ITGB6: variants seen among roughly 807,000 people sequenced by gnomAD.
The protein encoded by ITGB6 is integrin subunit beta 6, also known as integrin beta-6.
ITGB6 carries 80 observed loss-of-function variants against 84.5 expected under a neutral mutation model. The observed-to-expected ratio is 0.95, with a 90% confidence interval of 0.79 to 1.14. ITGB6 has a LOEUF of 1.14. ITGB6 is among the 50% of genes most tolerant of loss of function. The pLI is 0.00. For missense variants in ITGB6, 1,006 were observed against 968.0 expected (o/e 1.04, Z -0.52); for synonymous variants, 383 against 354.9 (o/e 1.08, Z -0.89).
rs758615036 is a variant in ITGB6, at chr2:160,141,973, A to G, written c.1107+9T>C. The G allele has an allele frequency of 6.4e-7, 1 of 1,569,190 alleles. No individual in the cohort carries two copies. The highest frequency in any genetic ancestry group is 1.7e-5 in the Admixed American group (1 of 58,142). On this transcript the variant is annotated intron_variant, in intron 8 of 14. Coordinates refer to ENST00000283249, the MANE Select transcript of ITGB6 (RefSeq NM_000888.5). Reference sequence around the variant, plus strand: ...ATGCAAAAAAGAAGCCAGCTGTAAAATATCCTACTTCATAAGCTGAGATGA... The same window carrying G: ...ATGCAAAAAAGAAGCCAGCTGTAAAGTATCCTACTTCATAAGCTGAGATGA...
intron 7 of ITGB6, among the ~76,000 whole-genome samples, chr2:160,159,904 AT>A (rs796413457): frequency 5.3e-5 from 8 of 152,160 alleles, no homozygotes; most frequent in African/African-American, 1.9e-4. Flanking sequence ...TTTCTCGTCT[AT>A]TTCCCCCTAC....
At chr2:160,171,973 T>G (rs1685222426) in intron 6 of ITGB6, among the ~76,000 whole-genome samples, 2 of 152,190 alleles carry the variant, frequency 1.3e-5, no homozygotes, top group African/African-American at 4.8e-5. Context: ...AGCCTCATGG[T>G]CTGTTCAGGA....
At chr2:160,148,252 G>C (rs1209489622) in intron 7 of ITGB6, among the ~76,000 whole-genome samples, 10 of 152,148 alleles carry the variant, frequency 6.6e-5, no homozygotes, top group Admixed American at 6.5e-4. Context: ...AAACAACAAT[G>C]AAATACCTTT....
At chr2:160,183,265 C>T (rs1054114031) in intron 4 of ITGB6, among the ~76,000 whole-genome samples, 6 of 151,988 alleles carry the variant, frequency 3.9e-5, no homozygotes, top group African/African-American at 1.2e-4. Flanking sequence ...CAAAGACACG[C>T]ATGGGCTCAA....
rs1361846173 is a variant in ITGB6 at position 160,099,997 on chromosome 2, G to T, written c.*1739C>A. On this transcript the variant is annotated 3_prime_UTR_variant, in exon 15 of 15. Transcript: ENST00000283249. ...GCATTGCAACCTGTATATTGCTGTAGATTTCCCCCAGGTTCTGCGCATCAG... is the reference window on the plus strand; with the variant it reads ...GCATTGCAACCTGTATATTGCTGTATATTTCCCCCAGGTTCTGCGCATCAG... 8 of 152,174 alleles carry T rather than the reference G, an allele frequency of 5.3e-5. No homozygotes were observed. The highest frequency in any genetic ancestry group is 1.2e-4 in the Non-Finnish European group (8 of 68,028). 9.4% of individuals were successfully genotyped at this position (152,174 alleles called of 1,614,324 possible).
chr2:160,198,397 C>A (rs1242317263), intron 2 of ITGB6, among the ~76,000 whole-genome samples: 1 of 152,214 alleles, frequency 6.6e-6, no homozygotes, highest in Non-Finnish European at 1.5e-5. Flanking sequence ...GCATGCTACT[C>A]AGCTCTTGCT....
intron 10 of ITGB6, among the ~76,000 whole-genome samples, chr2:160,136,869 G>A (rs1574072862): frequency 6.6e-6 from 1 of 151,610 alleles, no homozygotes; most frequent in East Asian, 1.9e-4. Flanking sequence ...CATGGACACA[G>A]GAAGGGGAAC....
At chr2:160,184,409 C>A (rs1176608344) in intron 4 of ITGB6, among the ~76,000 whole-genome samples, 4 of 152,166 alleles carry the variant, frequency 2.6e-5, no homozygotes, top group Admixed American at 6.5e-5. Context: ...GACACATACA[C>A]CCTCCCAAGA....
chr2:160,197,309 C>T (rs1268567174), intron 2 of ITGB6, among the ~76,000 whole-genome samples: 1 of 151,978 alleles, frequency 6.6e-6, no homozygotes, highest in African/African-American at 2.4e-5. Flanking sequence ...AAAAAAAAGT[C>T]TGCTTTTCTG....
chr2:160,181,857 G>T (rs1014960877), intron 4 of ITGB6, among the ~76,000 whole-genome samples: 1 of 152,188 alleles, frequency 6.6e-6, no homozygotes, highest in Non-Finnish European at 1.5e-5. Flanking sequence ...AGGGTCTGGA[G>T]TGGACCTCCA....
chr2:160,115,185 G>T (rs1300059437), intron 12 of ITGB6, among the ~76,000 whole-genome samples: 1 of 152,242 alleles, frequency 6.6e-6, no homozygotes, highest in Non-Finnish European at 1.5e-5. Flanking sequence ...TCTGAGAATG[G>T]GCAGACTGCC....
intron 12 of ITGB6, among the ~76,000 whole-genome samples, chr2:160,121,816 G>C (rs1436098254): frequency 2.0e-5 from 3 of 148,898 alleles, no homozygotes; most frequent in Admixed American, 6.8e-5. Flanking sequence ...GATGAATAAG[G>C]TTAATAACAT....
intron 7 of ITGB6, among the ~76,000 whole-genome samples, chr2:160,155,475 A>C (rs1437994121): frequency 1.3e-5 from 2 of 152,224 alleles, no homozygotes; most frequent in Non-Finnish European, 2.9e-5. Context: ...ATGATGTATC[A>C]ATGTAGGTTC....
Position 160,172,554 on chromosome 2 carries a change from G to C in ITGB6, c.921+15C>G, listed in dbSNP as rs1378307288. 1 of 1,583,370 alleles carries C rather than the reference G, an allele frequency of 6.3e-7. No homozygotes were observed. The highest frequency in any genetic ancestry group is 1.3e-5 in the African/African-American group (1 of 74,514). Reference sequence around the variant, plus strand: ...CTTATAGCCCTGAAAACAGTACAGAGTGCAGGTTACACACCAAGACAGTTG... The same window carrying C: ...CTTATAGCCCTGAAAACAGTACAGACTGCAGGTTACACACCAAGACAGTTG... On this transcript the variant is annotated intron_variant, in intron 6 of 14. Coordinates refer to ENST00000283249, the MANE Select transcript of ITGB6 (RefSeq NM_000888.5).
chr2:160,171,874 T>C (rs578046679), intron 6 of ITGB6, among the ~76,000 whole-genome samples: 48 of 152,300 alleles, frequency 3.2e-4, no homozygotes, highest in South Asian at 2.1e-3. Flanking sequence ...ATGACTGAAC[T>C]GGCTTTTCAA....
At chr2:160,102,797 CA>C (rs55761996) in intron 14 of ITGB6, among the ~76,000 whole-genome samples, 55,073 of 152,018 alleles carry the variant, frequency 0.36, 11,844 homozygotes, top group Non-Finnish European at 0.49. Context: ...GCTATGGCAA[CA>C]GTCTGGGTCC....
chr2:160,139,863 AT>A (rs1464811998), intron 8 of ITGB6, among the ~76,000 whole-genome samples: 5 of 152,214 alleles, frequency 3.3e-5, no homozygotes, highest in Non-Finnish European at 7.3e-5. Context: ...AGCTTTTATT[AT>A]ACGATCGGGG....
At chr2:160,155,331 C>G (rs1208758317) in intron 7 of ITGB6, among the ~76,000 whole-genome samples, 1 of 152,110 alleles carries the variant, frequency 6.6e-6, no homozygotes, top group Non-Finnish European at 1.5e-5. Flanking sequence ...ATAGGCAGAA[C>G]ACAGAGAAGT....
rs752247019 is a variant in ITGB6, at chr2:160,174,009, C to T, written c.724G>A (p.Gly242Arg). The stretch of plus-strand genomic sequence containing the variant: ...GCAGCTTGCATAATTGCATCAAATC[C>T]ACCTTCGGGTGTGTCAATATTAGCA... The part of the protein sequence containing the change: ...ISANIDTPEG[G>R]FDAIMQAAVC... The change falls in exon 5 of 15, where the codon GGA (glycine) becomes AGA (arginine). Residue 242 changes from glycine (G) to arginine (R), a missense_variant. By Grantham distance (125) the Gly-to-Arg change is moderately radical. Coordinates refer to ENST00000283249, the MANE Select transcript of ITGB6 (RefSeq NM_000888.5). 4.3e-6 allele frequency: 7 copies of T among 1,613,510 alleles called. No homozygotes were observed. Among genetic ancestry groups the T allele is most frequent in the Non-Finnish European group, 5.9e-6 (7 of 1,179,894 alleles).
Sources: allele counts gnomAD v4.1 joint callset (sites outside exome capture counted in the v4.1 genomes callset), GRCh38; gene constraint gnomAD v4.1.1; transcripts MANE v1.5; gene names NCBI Gene and HGNC (gene_info 2026-07-23, HGNC 2026-07-21).